Variants in SDK1 observed in about 807,000 individuals in gnomAD.
The protein encoded by SDK1 is protein sidekick-1.
In SDK1, 157 loss-of-function variants were observed where a neutral mutation model predicts 245.5. That is an observed-to-expected ratio of 0.64 (90% CI 0.56 to 0.73). The LOEUF is 0.73. Ranked by LOEUF, SDK1 falls within the 30% of genes least tolerant of loss-of-function variation. The pLI, the probability that SDK1 is intolerant of heterozygous loss-of-function variation, is 0.00. For synonymous variants in SDK1, 1,647 were observed against 1,278.5 expected (o/e 1.29, Z -6.15); for missense variants, 3,583 against 3,002.3 (o/e 1.19, Z -4.52).
Position 3,882,567 on chromosome 7 carries a change from C to G in SDK1, c.847+60984C>G, listed in dbSNP as rs146909297. Among the ~76,000 whole-genome samples, 198 of 152,298 alleles carry G rather than the reference C, an allele frequency of 1.3e-3. 1 individual carries two copies. The highest frequency in any genetic ancestry group is 4.6e-3 in the African/African-American group (192 of 41,580). ...AGAATGTATGATGATCTGACCTAGT[C>G]TGGGATGAAATTTACTCTTGTACCA... is the stretch of plus-strand genomic sequence containing the variant. On this transcript the variant is annotated intron_variant, in intron 5 of 44. Transcript: ENST00000404826.
At chr7:3,552,113 A>G (rs946622700) in intron 1 of SDK1, among the ~76,000 whole-genome samples, 2 of 151,668 alleles carry the variant, frequency 1.3e-5, no homozygotes, top group Non-Finnish European at 2.9e-5. Context: ...ATCTTGGCTC[A>G]CTGCAAGCTC....
At chr7:3,380,025 T>C (rs993240129) in intron 1 of SDK1, among the ~76,000 whole-genome samples, 1 of 152,210 alleles carries the variant, frequency 6.6e-6, no homozygotes, top group Non-Finnish European at 1.5e-5. Flanking sequence ...GGAAGCAATA[T>C]ACCAATACCA....
intron 5 of SDK1, among the ~76,000 whole-genome samples, chr7:3,917,312 T>A (rs905015407): frequency 3.9e-5 from 6 of 152,212 alleles, no homozygotes; most frequent in Non-Finnish European, 1.5e-5. Flanking sequence ...ACCTCTGTGT[T>A]CTGTTGGTAG....
At chr7:3,314,093 T>G (rs1779610272) in intron 1 of SDK1, among the ~76,000 whole-genome samples, 1 of 152,158 alleles carries the variant, frequency 6.6e-6, no homozygotes, top group South Asian at 2.1e-4. Context: ...CAGATGACCC[T>G]GGAGAGCCCT....
chr7:3,999,144 A>G (rs535732004), intron 14 of SDK1, among the ~76,000 whole-genome samples: 1 of 152,292 alleles, frequency 6.6e-6, no homozygotes, highest in Non-Finnish European at 1.5e-5. Flanking sequence ...ACACACACGC[A>G]CACACACATG....
In SDK1 at chr7:4,157,243, TGGAC is replaced by T. The variant is rs141517763; in HGVS notation, c.4626-1193_4626-1190del. 8.2e-3 allele frequency among the ~76,000 whole-genome samples: 1,222 copies of T among 148,736 alleles called. 14 individuals are homozygous for T. The highest frequency in any genetic ancestry group is 0.029 in the African/African-American group (1,170 of 40,102). ...GGAGACCCATTGCATGTGGAGTAGC[TGGAC>T]GGACGGACGGAAGGAAGGAAGGAAG... On this transcript the variant is annotated intron_variant, in intron 30 of 44. Transcript: ENST00000404826.
At chr7:3,822,917 G>C (rs1341655155) in intron 5 of SDK1, among the ~76,000 whole-genome samples, 2 of 152,188 alleles carry the variant, frequency 1.3e-5, no homozygotes, top group African/African-American at 4.8e-5. Context: ...GTCTGTGGGA[G>C]TTAACTGAGT....
chr7:3,701,943 AAAG>A (rs1408127112), intron 4 of SDK1, among the ~76,000 whole-genome samples: 3 of 150,208 alleles, frequency 2.0e-5, no homozygotes, highest in African/African-American at 4.9e-5. Flanking sequence ...AAAAAAAAAA[AAAG>A]AAAAAAGAAA....
At chr7:3,759,165 A>G (rs1159349406) in intron 4 of SDK1, among the ~76,000 whole-genome samples, 2 of 152,216 alleles carry the variant, frequency 1.3e-5, no homozygotes, top group Non-Finnish European at 2.9e-5. Context: ...TTATCCTGCA[A>G]TAATCAGTCA....
chr7:3,777,594 C>G (rs1263319021), intron 4 of SDK1, among the ~76,000 whole-genome samples: 1 of 152,166 alleles, frequency 6.6e-6, no homozygotes. Flanking sequence ...ACCTGAGCCC[C>G]CTCTGCCAAC....
intron 1 of SDK1, among the ~76,000 whole-genome samples, chr7:3,484,767 C>T (rs1277841872): frequency 6.6e-6 from 1 of 152,156 alleles, no homozygotes; most frequent in Non-Finnish European, 1.5e-5. Flanking sequence ...GGATATTTGT[C>T]TTTCTGGGCC....
chr7:3,889,692 TAG>T (rs915198310), intron 5 of SDK1, among the ~76,000 whole-genome samples: 3 of 152,160 alleles, frequency 2.0e-5, no homozygotes, highest in African/African-American at 7.2e-5. Context: ...GTATTTTTAG[TAG>T]AGACAGGGTT....
At position 3,792,157 on chromosome 7, in the gene SDK1, C is replaced by A. The variant is rs10271361; in HGVS notation, c.714-29293C>A. The stretch of plus-strand genomic sequence containing the variant: ...TAACAAAACAAAATAACAAAAAAAA[C>A]CCTTGCATTAACCTTAAACTGGGCC... On this transcript the variant is annotated intron_variant, in intron 4 of 44. Coordinates refer to ENST00000404826, the MANE Select transcript of SDK1 (RefSeq NM_152744.4). Among the ~76,000 whole-genome samples, 849 of 151,930 alleles carry A rather than the reference C, an allele frequency of 5.6e-3. 9 individuals carry two copies. The highest frequency in any genetic ancestry group is 0.02 in the African/African-American group (816 of 41,470).
chr7:3,819,063 T>A (rs1361715841), intron 4 of SDK1, among the ~76,000 whole-genome samples: 1 of 152,206 alleles, frequency 6.6e-6, no homozygotes, highest in Non-Finnish European at 1.5e-5. Flanking sequence ...AATTTAAAAT[T>A]AAGATGAATG....
At position 3,821,452 on chromosome 7, in the gene SDK1, C is replaced by G; in HGVS notation, c.716C>G (p.Ala239Gly). 4 of 1,612,710 alleles carry G rather than the reference C, an allele frequency of 2.5e-6. No individual in the cohort carries two copies. Among genetic ancestry groups the G allele is most frequent in the African/African-American group, 1.3e-5 (1 of 74,956 alleles). The change falls in exon 5 of 45, where the codon GCC becomes GGC. Residue 239 changes from alanine to glycine, a missense_variant and splice_region_variant. Transcript: ENST00000404826. Reference sequence around the variant, plus strand: ...TGTCCTCTTCTTTTCTGAAACAGAGCCATCACATTGGAGAATCAGCTGGTG... The same window carrying G: ...TGTCCTCTTCTTTTCTGAAACAGAGGCATCACATTGGAGAATCAGCTGGTG... ...GHKIIPSNRI[A>G]ITLENQLVIL... is the part of the protein sequence containing the mutation.
At chr7:3,689,035 T>G (rs973994937) in intron 4 of SDK1, among the ~76,000 whole-genome samples, 7 of 152,228 alleles carry the variant, frequency 4.6e-5, no homozygotes, top group Non-Finnish European at 8.8e-5. Flanking sequence ...TAAAGTTTTA[T>G]TGTAACACAG....
intron 5 of SDK1, among the ~76,000 whole-genome samples, chr7:3,901,508 G>C (rs1487205329): frequency 6.6e-6 from 1 of 152,194 alleles, no homozygotes; most frequent in African/African-American, 2.4e-5. Flanking sequence ...GTCCTTGTCA[G>C]TGCACCACAT....
intron 28 of SDK1, 55 bp downstream of exon 28, chr7:4,132,478 T>C (rs1026307495): frequency 2.4e-6 from 3 of 1,244,904 alleles, no homozygotes; most frequent in Non-Finnish European, 3.4e-6. Context: ...TCCCAGCACC[T>C]TGGGAGACCG....
intron 5 of SDK1, among the ~76,000 whole-genome samples, chr7:3,880,090 C>T (rs1781170486): frequency 6.6e-6 from 1 of 152,152 alleles, no homozygotes; most frequent in Non-Finnish European, 1.5e-5. Context: ...GGTCAATCAT[C>T]TCTGTGCCCT....
Sources: gnomAD v4.1 joint callset for allele counts (sites outside exome capture counted in the v4.1 genomes callset) on GRCh38, gnomAD v4.1.1 for gene constraint, MANE v1.5 for transcripts, NCBI Gene and HGNC (gene_info 2026-07-23, HGNC 2026-07-21) for gene names.